ZFHX3: variants seen among roughly 807,000 people sequenced by gnomAD.
The protein encoded by ZFHX3 is zinc finger homeobox protein 3.
ZFHX3 carries 42 observed loss-of-function variants against 279.1 expected under a neutral mutation model. The observed-to-expected ratio is 0.15, with a 90% CI of 0.12 to 0.19. The LOEUF (loss-of-function observed/expected upper bound fraction) is 0.19, where lower values mean the gene tolerates loss of function less well. ZFHX3 is among the 10% of genes least tolerant of loss of function. The pLI is 1.00. For missense variants in ZFHX3, 4,981 were observed against 4,754.0 expected, an observed-to-expected ratio of 1.05 and a Z score of -1.40; for synonymous variants, 2,293 against 1,957.8, an observed-to-expected ratio of 1.17 and a Z score of -4.52.
At chr16:73,706,063 G>A (rs2053300078) in intron 1 of ZFHX3, among the ~76,000 whole-genome samples, 1 of 152,164 alleles carries the variant, frequency 6.6e-6, no homozygotes, top group African/African-American at 2.4e-5. Flanking sequence ...CCAGCACTTT[G>A]GGAAGCTGAG....
chr16:73,870,667 C>G (rs1962138931), intron 1 of ZFHX3, among the ~76,000 whole-genome samples: 1 of 152,192 alleles, frequency 6.6e-6, no homozygotes, highest in Non-Finnish European at 1.5e-5. Context: ...AAAGTGCATT[C>G]TGAGTTCTAT....
At position 72,798,545 on chromosome 16, in the gene ZFHX3, C is replaced by G. The variant is rs765948721; in HGVS notation, c.4137G>C (p.Thr1379=). The G allele has an allele frequency of 1.2e-6, 2 of 1,614,178 alleles. No homozygotes were observed. Among genetic ancestry groups the G allele is most frequent in the Non-Finnish European group, 1.7e-6 (2 of 1,180,040 alleles). Residue 1379 remains threonine (T), a synonymous_variant, in exon 9 of 10, where the codon ACG becomes ACC. Coordinates refer to ENST00000268489, the MANE Select transcript of ZFHX3 (RefSeq NM_006885.4). The part of the protein sequence containing the change: ...QVFKTSAALQ[T]HFNEVHAKRP... Reference sequence around the variant, plus strand: ...TCTTGGCATGCACTTCATTAAAATGCGTCTGAAGGGCAGCAGAAGTTTTGA... The same window carrying G: ...TCTTGGCATGCACTTCATTAAAATGGGTCTGAAGGGCAGCAGAAGTTTTGA...
chr16:73,426,076 A>C (rs1308812857), intron 3 of ZFHX3, among the ~76,000 whole-genome samples: 1 of 152,024 alleles, frequency 6.6e-6, no homozygotes, highest in Non-Finnish European at 1.5e-5. Flanking sequence ...GCCACACCTC[A>C]GTGGGTACTA....
intron 2 of ZFHX3, among the ~76,000 whole-genome samples, chr16:73,621,178 CTT>C (rs1020017156): frequency 2.0e-5 from 3 of 152,198 alleles, no homozygotes; most frequent in African/African-American, 7.2e-5. Flanking sequence ...TATCCTGAGT[CTT>C]TATCCCTTTT....
At chr16:73,249,027 A>C (rs933849974) in intron 5 of ZFHX3, among the ~76,000 whole-genome samples, 1 of 152,182 alleles carries the variant, frequency 6.6e-6, no homozygotes, top group African/African-American at 2.4e-5. Context: ...TTTGTTCTTC[A>C]GAGACAAGCT....
At chr16:73,303,395 A>G (rs887471741) in intron 4 of ZFHX3, among the ~76,000 whole-genome samples, 1 of 152,186 alleles carries the variant, frequency 6.6e-6, no homozygotes, top group Non-Finnish European at 1.5e-5. Context: ...GCTCATTTCA[A>G]TGTATAAAAA....
At chr16:73,685,307 C>A (rs62042368) in intron 1 of ZFHX3, among the ~76,000 whole-genome samples, 7 of 152,174 alleles carry the variant, frequency 4.6e-5, no homozygotes, top group African/African-American at 9.7e-5. Context: ...TGAGCCACCA[C>A]GCTCAGCCCA....
intron 5 of ZFHX3, among the ~76,000 whole-genome samples, chr16:73,256,614 T>C (rs1417511697): frequency 6.6e-6 from 1 of 152,228 alleles, no homozygotes; most frequent in African/African-American, 2.4e-5. Context: ...TTGGAAATCA[T>C]TGCTTTAAAT....
intron 2 of ZFHX3, among the ~76,000 whole-genome samples, chr16:73,534,892 C>T (rs1185115540): frequency 1.3e-5 from 2 of 152,058 alleles, no homozygotes; most frequent in African/African-American, 2.4e-5. Context: ...ACAGTGACTC[C>T]CCAATCATCT....
In ZFHX3 at chr16:73,254,258, T is replaced by C. The variant is rs532032651; in HGVS notation, c.-1104+2789A>G. On this transcript the variant is annotated intron_variant, in intron 5 of 17. Transcript: ENST00000641206. ...CTTACCGGATCCATCCTTCCCACTA[T>C]CCTTTCACAGGTGTTGGACTTGTGT... 2.3e-4 allele frequency among the ~76,000 whole-genome samples: 35 copies of C among 152,274 alleles called. No homozygotes were observed. The Middle Eastern group carries it at 0.01, about 44-fold the overall frequency.
chr16:73,514,364 A>C (rs2143694156), intron 2 of ZFHX3, among the ~76,000 whole-genome samples: 1 of 152,360 alleles, frequency 6.6e-6, no homozygotes, highest in East Asian at 1.9e-4. Flanking sequence ...TATTAATAAT[A>C]GTGGCTTTCA....
intron 3 of ZFHX3, among the ~76,000 whole-genome samples, chr16:73,339,401 G>A (rs905871161): frequency 2.7e-5 from 4 of 150,752 alleles, no homozygotes; most frequent in African/African-American, 9.8e-5. Flanking sequence ...GTTCTATTAC[G>A]AAGCTCTACA....
At chr16:73,063,728 T>A (rs1012505226), upstream of ZFHX3, among the ~76,000 whole-genome samples, 17 of 152,192 alleles carry the variant, frequency 1.1e-4, no homozygotes, top group African/African-American at 4.1e-4. Flanking sequence ...ATGTACACAG[T>A]GGTGCCCACT....
In ZFHX3 at chr16:73,479,931, G is replaced by A. The variant is rs373308131; in HGVS notation, c.-1546-23673C>T. Among the ~76,000 whole-genome samples the A allele has an allele frequency of 2.6e-5, 4 of 152,284 alleles. No homozygotes were observed. The East Asian group carries it at 5.8e-4, about 22-fold the overall frequency. ...CCCCGTTTATGGCTGGGCAAATGGAGGCATGGGGAGGTTAAAAGCTCCGGG... is the reference window on the plus strand; with the variant it reads ...CCCCGTTTATGGCTGGGCAAATGGAAGCATGGGGAGGTTAAAAGCTCCGGG... On this transcript the variant is annotated intron_variant, in intron 2 of 17. Coordinates refer to the ZFHX3 transcript ENST00000641206.
intron 4 of ZFHX3, among the ~76,000 whole-genome samples, chr16:72,867,131 A>C (rs559573096): frequency 6.6e-6 from 1 of 152,324 alleles, no homozygotes; most frequent in South Asian, 2.1e-4. Flanking sequence ...CTAAGCCAGC[A>C]TGAGACTGTC....
At chr16:73,452,857 T>G (rs1288494597) in intron 3 of ZFHX3, among the ~76,000 whole-genome samples, 1 of 152,272 alleles carries the variant, frequency 6.6e-6, no homozygotes, top group Non-Finnish European at 1.5e-5. Context: ...ACCATTTCTA[T>G]TAACGCACCA....
At position 72,958,868 on chromosome 16, in the gene ZFHX3, A is replaced by G. The variant is rs758178050; in HGVS notation, c.1278T>C (p.Ser426=). The part of the protein sequence containing the change: ...TSVPLGPLAS[S]PTKSSEGKDS... Reference sequence around the variant, plus strand: ...CCTTGCCCTCTGAGGATTTGGTAGGACTGGAAGCCAGAGGCCCCAGGGGGA... The same window carrying G: ...CCTTGCCCTCTGAGGATTTGGTAGGGCTGGAAGCCAGAGGCCCCAGGGGGA... Residue 426 remains serine, a synonymous_variant, in exon 2 of 10, where the codon AGT becomes AGC. Coordinates refer to ENST00000268489, the MANE Select transcript of ZFHX3 (RefSeq NM_006885.4). 1.2e-6 allele frequency: 2 copies of G among 1,612,898 alleles called. No homozygotes were observed. The highest frequency in any genetic ancestry group is 1.7e-6 in the Non-Finnish European group (2 of 1,179,388).
intron 7 of ZFHX3, among the ~76,000 whole-genome samples, chr16:73,097,231 A>ATTTTTTTTTT (rs376018253): frequency 1.2e-4 from 15 of 126,722 alleles, no homozygotes; most frequent in African/African-American, 4.1e-4. Context: ...GCTAATTTTA[A>ATTTTTTTTTT]TTTTTTTTTT....
intron 3 of ZFHX3, among the ~76,000 whole-genome samples, chr16:73,376,186 T>C (rs924115889): frequency 5.9e-5 from 9 of 152,232 alleles, no homozygotes; most frequent in Admixed American, 3.9e-4. Flanking sequence ...TGTTAGATTT[T>C]ATATAATTTT....
Sources: gnomAD v4.1 joint callset for allele counts (sites outside exome capture counted in the v4.1 genomes callset) on GRCh38, gnomAD v4.1.1 for gene constraint, MANE v1.5 for transcripts, NCBI Gene and HGNC (gene_info 2026-07-23, HGNC 2026-07-21) for gene names.